Variants in CHMP4B observed in about 807,000 individuals in gnomAD.
CHMP4B encodes the protein SNF7 homolog associated with Alix 1.
Under a neutral mutation model 25.1 loss-of-function variants are expected in CHMP4B, and 1 was observed. The observed-to-expected ratio is 0.04, with a 90% CI of 0.01 to 0.19. The LOEUF (loss-of-function observed/expected upper bound fraction) is 0.19. Among genes scored for constraint, CHMP4B ranks in the 10% least tolerant of loss-of-function variants. The pLI is 1.00. For synonymous variants in CHMP4B, 101 were observed against 115.6 expected (o/e 0.87, Z 0.81); for missense variants, 151 against 289.7 (o/e 0.52, Z 3.48).
At position 33,811,514 on chromosome 20, in the gene CHMP4B, G is replaced by A. The variant is rs1184681568; in HGVS notation, c.46G>A (p.Gly16Ser). The change falls in exon 1 of 5, where the codon GGC (glycine) becomes AGC (serine). Residue 16 changes from glycine to serine, a missense_variant. By Grantham distance (56) the Gly-to-Ser change is moderately conservative. Transcript: ENST00000217402. The part of the protein sequence containing the change: ...KLFGAGGGKA[G>S]KGGPTPQEAI... Reference sequence around the variant, plus strand: ...GTTCGGGGCTGGAGGGGGTAAGGCCGGCAAGGGCGGCCCGACCCCCCAGGA... The same window carrying A: ...GTTCGGGGCTGGAGGGGGTAAGGCCAGCAAGGGCGGCCCGACCCCCCAGGA... The A allele has an allele frequency of 2.5e-6, 4 of 1,602,240 alleles. No individual in the cohort carries two copies. The highest frequency in any genetic ancestry group is 4.5e-5 in the East Asian group (2 of 44,498).
At chr20:33,832,543 G>A (rs1002297282) in intron 1 of CHMP4B, among the ~76,000 whole-genome samples, 17 of 152,104 alleles carry the variant, frequency 1.1e-4, no homozygotes, top group Admixed American at 9.8e-4. Context: ...ATAGGCTGTT[G>A]TTTTTGTTTG....
intron 1 of CHMP4B, among the ~76,000 whole-genome samples, chr20:33,825,175 T>C (rs1038737791): frequency 1.3e-5 from 2 of 152,154 alleles, no homozygotes; most frequent in Non-Finnish European, 2.9e-5. Flanking sequence ...TTTTCTAATT[T>C]CAAAAAATAT....
At chr20:33,814,847 C>G (rs569111694) in intron 1 of CHMP4B, among the ~76,000 whole-genome samples, 1 of 152,170 alleles carries the variant, frequency 6.6e-6, no homozygotes, top group Non-Finnish European at 1.5e-5. Flanking sequence ...GACAAGGTCT[C>G]GCTCTGTTGC....
In CHMP4B at chr20:33,828,439, C is replaced by T. The variant is rs570301001; in HGVS notation, c.190+16781C>T. On this transcript the variant is annotated intron_variant, in intron 1 of 4. Transcript: ENST00000217402. The stretch of plus-strand genomic sequence containing the variant: ...AAGTGCCATGCAGAAAGCCAGCTGA[C>T]GGGGAGATGGAGCAAACAGTTGCTA... Among the ~76,000 whole-genome samples the T allele has an allele frequency of 3.4e-4, 52 of 152,268 alleles. 1 individual carries two copies. Among genetic ancestry groups the T allele is most frequent in the Admixed American group, 1.6e-3 (24 of 15,298 alleles).
chr20:33,816,971 T>G (rs1236851384), intron 1 of CHMP4B, among the ~76,000 whole-genome samples: 1 of 152,238 alleles, frequency 6.6e-6, no homozygotes, highest in African/African-American at 2.4e-5. Context: ...GAGGGTGGTT[T>G]TCTCATGTTT....
chr20:33,818,761 A>G (rs1196595137), intron 1 of CHMP4B, among the ~76,000 whole-genome samples: 1 of 152,118 alleles, frequency 6.6e-6, no homozygotes, highest in Non-Finnish European at 1.5e-5. Context: ...CTTCTACATC[A>G]CAGATCAAGG....
intron 1 of CHMP4B, among the ~76,000 whole-genome samples, chr20:33,834,554 G>T (rs1979340971): frequency 6.6e-6 from 1 of 152,142 alleles, no homozygotes; most frequent in African/African-American, 2.4e-5. Context: ...AGCTTGTTAA[G>T]GTGGAAGCTG....
intron 1 of CHMP4B, among the ~76,000 whole-genome samples, chr20:33,839,053 C>T (rs1004048254): frequency 6.6e-6 from 1 of 152,164 alleles, no homozygotes; most frequent in Non-Finnish European, 1.5e-5. Flanking sequence ...GTCCTAGGCT[C>T]ATTGTCCCTA....
intron 1 of CHMP4B, among the ~76,000 whole-genome samples, chr20:33,832,907 T>G (rs774884544): frequency 5.3e-5 from 8 of 151,296 alleles, no homozygotes; most frequent in Non-Finnish European, 1.2e-4. Flanking sequence ...GCCTCCCAAA[T>G]AGCTATGACT....
At chr20:33,832,880 G>A (rs1272082586) in intron 1 of CHMP4B, among the ~76,000 whole-genome samples, 1 of 150,752 alleles carries the variant, frequency 6.6e-6, no homozygotes, top group Non-Finnish European at 1.5e-5. Context: ...CTGGTCTCAA[G>A]CAATCCTCTC....
chr20:33,835,364 G>C (rs538464500), intron 1 of CHMP4B, among the ~76,000 whole-genome samples: 1 of 152,138 alleles, frequency 6.6e-6, no homozygotes, highest in Admixed American at 6.5e-5. Flanking sequence ...TGTATCTGTG[G>C]GTTTAAAGTT....
At chr20:33,834,555 G>A (rs1601323274) in intron 1 of CHMP4B, among the ~76,000 whole-genome samples, 1 of 152,282 alleles carries the variant, frequency 6.6e-6, no homozygotes, top group Non-Finnish European at 1.5e-5. Flanking sequence ...GCTTGTTAAG[G>A]TGGAAGCTGA....
At chr20:33,826,442 C>T (rs1979096927) in intron 1 of CHMP4B, among the ~76,000 whole-genome samples, 1 of 152,198 alleles carries the variant, frequency 6.6e-6, no homozygotes, top group Middle Eastern at 3.4e-3. Context: ...CTGAGGGGCC[C>T]TGGATGCCAA....
At chr20:33,816,413 T>C (rs767857642) in intron 1 of CHMP4B, among the ~76,000 whole-genome samples, 2 of 152,244 alleles carry the variant, frequency 1.3e-5, no homozygotes, top group African/African-American at 2.4e-5. Flanking sequence ...GATAAAGTTA[T>C]TGTTGATCAG....
At chr20:33,818,921 T>TG (rs1319580140) in intron 1 of CHMP4B, among the ~76,000 whole-genome samples, 177 of 152,306 alleles carry the variant, frequency 1.2e-3, no homozygotes, top group African/African-American at 4.0e-3. Flanking sequence ...TTTGTTTGTT[T>TG]TTTTTTGAGA....
At chr20:33,816,159 TC>T (rs1255758066) in intron 1 of CHMP4B, among the ~76,000 whole-genome samples, 1 of 152,190 alleles carries the variant, frequency 6.6e-6, no homozygotes, top group African/African-American at 2.4e-5. Flanking sequence ...AAATTTCATT[TC>T]TTTTTCTTTA....
intron 1 of CHMP4B, among the ~76,000 whole-genome samples, chr20:33,822,424 C>T (rs1333966656): frequency 4.6e-5 from 7 of 152,192 alleles, no homozygotes; most frequent in African/African-American, 1.4e-4. Context: ...GGATTATAGG[C>T]GTGAGCCACC....
chr20:33,848,661 C>G lies in CHMP4B; in HGVS notation c.368+17C>G, dbSNP rs773252028. On this transcript the variant is annotated intron_variant, in intron 2 of 4. Transcript: ENST00000217402. ...TGACAACATGTACGTGTCCACCCGCCCCTGCGCCACAGGGCAGTGCTAGTC... is the reference window on the plus strand; with the variant it reads ...TGACAACATGTACGTGTCCACCCGCGCCTGCGCCACAGGGCAGTGCTAGTC... 2 of 1,614,026 alleles carry G rather than the reference C, an allele frequency of 1.2e-6. No homozygotes were observed. The highest frequency in any genetic ancestry group is 1.7e-6 in the Non-Finnish European group (2 of 1,179,936).
intron 4 of CHMP4B, 29 bp downstream of exon 4, chr20:33,852,232 G>A (rs181915747): frequency 8.1e-6 from 13 of 1,613,574 alleles, no homozygotes; most frequent in African/African-American, 5.3e-5. Context: ...ATGGCACACC[G>A]TGAGGTCATG....
Sources: allele counts gnomAD v4.1 joint callset (sites outside exome capture counted in the v4.1 genomes callset), GRCh38; gene constraint gnomAD v4.1.1; transcripts MANE v1.5; gene names NCBI Gene and HGNC (gene_info 2026-07-23, HGNC 2026-07-21).